The following DIAPH3 variants were observed in gnomAD, a reference collection of about 807,000 sequenced individuals.
DIAPH3 encodes protein diaphanous homolog 3.
Under a neutral mutation model 144.3 loss-of-function variants are expected in DIAPH3, and 117 were observed. The observed-to-expected ratio is 0.81, with a 90% CI of 0.70 to 0.95. The LOEUF (loss-of-function observed/expected upper bound fraction) is 0.95, where lower values mean the gene tolerates loss of function less well. DIAPH3 is among the 40% of genes least tolerant of loss of function. DIAPH3 has a pLI of 0.00. For synonymous variants in DIAPH3, 519 were observed against 488.9 expected (o/e 1.06, Z -0.81); for missense variants, 1,421 against 1,412.7 (o/e 1.01, Z -0.09).
chr13:59,821,038 T>A (rs1353603632), intron 24 of DIAPH3, among the ~76,000 whole-genome samples: 1 of 152,020 alleles, frequency 6.6e-6, no homozygotes, highest in Non-Finnish European at 1.5e-5. Context: ...AATGTCTTCT[T>A]GTTCAGAGTT....
intron 17 of DIAPH3, among the ~76,000 whole-genome samples, chr13:59,968,964 G>A (rs2050203365): frequency 6.6e-6 from 1 of 152,076 alleles, no homozygotes; most frequent in African/African-American, 2.4e-5. Context: ...CTCTTCCTTT[G>A]TTCTATGAGC....
intron 3 of DIAPH3, among the ~76,000 whole-genome samples, chr13:60,103,335 T>A (rs942266821): frequency 6.6e-6 from 1 of 152,118 alleles, no homozygotes; most frequent in Non-Finnish European, 1.5e-5. Context: ...GCATGCTCAT[T>A]AAATTTACAT....
chr13:59,683,291 G>A (rs532409893), intron 27 of DIAPH3, among the ~76,000 whole-genome samples: 1 of 151,938 alleles, frequency 6.6e-6, no homozygotes, highest in Non-Finnish European at 1.5e-5. Context: ...TTTCAAAGCC[G>A]TATTGAATCT....
At chr13:59,820,095 G>T (rs2040982148) in intron 24 of DIAPH3, among the ~76,000 whole-genome samples, 1 of 151,746 alleles carries the variant, frequency 6.6e-6, no homozygotes. Context: ...TTAATGAAGT[G>T]CCTCAAACAC....
intron 4 of DIAPH3, among the ~76,000 whole-genome samples, chr13:60,061,685 T>C (rs1178293948): frequency 1.4e-5 from 2 of 141,862 alleles, no homozygotes; most frequent in Non-Finnish European, 3.0e-5. Flanking sequence ...AAAGACAAAA[T>C]ACAGGGAGAA....
intron 20 of DIAPH3, among the ~76,000 whole-genome samples, chr13:59,908,369 CAAA>C (rs773306723): frequency 7.3e-5 from 3 of 41,162 alleles, no homozygotes; most frequent in South Asian, 1.2e-3. Context: ...GACTCTGTCT[CAAA>C]AAAAAAAAAA....
intron 1 of DIAPH3, among the ~76,000 whole-genome samples, chr13:60,148,354 G>A (rs920640536): frequency 6.6e-6 from 1 of 152,138 alleles, no homozygotes; most frequent in Non-Finnish European, 1.5e-5. Context: ...GCCACATATG[G>A]CTATTTAAAC....
chr13:59,773,989 C>A (rs1260643499), intron 27 of DIAPH3, 200 bp downstream of exon 27: 3 of 545,942 alleles, frequency 5.5e-6, no homozygotes, highest in South Asian at 2.7e-5. Flanking sequence ...GATAGAAGAA[C>A]CTAAGACACA....
intron 5 of DIAPH3, among the ~76,000 whole-genome samples, chr13:60,032,051 A>G (rs918428720): frequency 6.6e-6 from 1 of 152,100 alleles, no homozygotes; most frequent in African/African-American, 2.4e-5. Flanking sequence ...TAAAGCTCCA[A>G]AATAATCTTC....
At chr13:59,819,595 T>C (rs2040954017) in intron 24 of DIAPH3, among the ~76,000 whole-genome samples, 2 of 151,838 alleles carry the variant, frequency 1.3e-5, no homozygotes, top group African/African-American at 4.8e-5. Context: ...ACTTTATACA[T>C]GTGTGTTTCA....
chr13:59,784,817 T>A (rs959690206), intron 25 of DIAPH3, among the ~76,000 whole-genome samples: 3 of 152,016 alleles, frequency 2.0e-5, no homozygotes, highest in African/African-American at 7.3e-5. Flanking sequence ...GCTTATAGTT[T>A]AACCCAATTC....
At chr13:60,146,270 G>C (rs1023636611) in intron 1 of DIAPH3, among the ~76,000 whole-genome samples, 1 of 152,140 alleles carries the variant, frequency 6.6e-6, no homozygotes, top group Non-Finnish European at 1.5e-5. Flanking sequence ...CCAGGTGCAG[G>C]CTGGGTCATA....
intron 17 of DIAPH3, among the ~76,000 whole-genome samples, chr13:59,927,987 C>T (rs369931904): frequency 6.6e-6 from 1 of 152,044 alleles, no homozygotes; most frequent in African/African-American, 2.4e-5. Flanking sequence ...ATGCCTTTTC[C>T]CATCTCTTCT....
chr13:60,021,668 A>T (rs1189856740), intron 5 of DIAPH3, among the ~76,000 whole-genome samples: 1 of 130,518 alleles, frequency 7.7e-6, no homozygotes, highest in African/African-American at 2.7e-5. Flanking sequence ...CTCTGTCTCA[A>T]AAAAAAAAAA....
intron 20 of DIAPH3, among the ~76,000 whole-genome samples, chr13:59,894,364 C>T (rs1486441337): frequency 6.6e-6 from 1 of 151,880 alleles, no homozygotes; most frequent in Non-Finnish European, 1.5e-5. Context: ...TAGGCAGAAA[C>T]CTGCGTTTTA....
At chr13:59,785,398 G>A (rs1051999422) in intron 25 of DIAPH3, among the ~76,000 whole-genome samples, 1 of 152,122 alleles carries the variant, frequency 6.6e-6, no homozygotes, top group African/African-American at 2.4e-5. Flanking sequence ...GTTAAAGAGT[G>A]AAACTCCTGG....
At chr13:59,960,178 C>T (rs2049663684) in intron 17 of DIAPH3, among the ~76,000 whole-genome samples, 1 of 152,124 alleles carries the variant, frequency 6.6e-6, no homozygotes. Flanking sequence ...AGAGTTCTGT[C>T]CTCCTCATCT....
At chr13:59,991,312 C>G (rs760692317) in intron 11 of DIAPH3, 38 bp from the exon 12 acceptor site, 8 of 1,329,268 alleles carry the variant, frequency 6.0e-6, no homozygotes. Context: ...TATTTATACT[C>G]TACACCAAAC....
At chr13:60,133,791 T>C (rs1280168217) in intron 1 of DIAPH3, among the ~76,000 whole-genome samples, 3 of 152,130 alleles carry the variant, frequency 2.0e-5, no homozygotes, top group East Asian at 1.9e-4. Context: ...CTGGAATCAA[T>C]TACCAATTCT....
Sources: allele counts gnomAD v4.1 joint callset (sites outside exome capture counted in the v4.1 genomes callset), GRCh38; gene constraint gnomAD v4.1.1; transcripts MANE v1.5; gene names NCBI Gene and HGNC (gene_info 2026-07-23, HGNC 2026-07-21).